SEC23A: variants seen among roughly 807,000 people sequenced by gnomAD.
SEC23A encodes the protein SEC23 homolog A, COPII component.
SEC23A carries 56 observed loss-of-function variants against 103.7 expected under a neutral mutation model. That is an observed-to-expected ratio of 0.54 (90% CI 0.44 to 0.67). SEC23A has a LOEUF of 0.67. Among genes scored for constraint, SEC23A ranks in the 30% least tolerant of loss-of-function variants. SEC23A has a pLI of 0.00. For synonymous variants in SEC23A, 281 were observed against 293.0 expected (o/e 0.96, Z 0.42); for missense variants, 784 against 936.4 (o/e 0.84, Z 2.12).
intron 7 of SEC23A, among the ~76,000 whole-genome samples, chr14:39,079,969 T>C (rs1887167337): frequency 6.6e-6 from 1 of 152,208 alleles, no homozygotes; most frequent in African/African-American, 2.4e-5. Flanking sequence ...TCTATAACTT[T>C]CTTAACTAAT....
intron 1 of SEC23A, among the ~76,000 whole-genome samples, chr14:39,102,247 A>G (rs1008111057): frequency 3.9e-5 from 6 of 152,154 alleles, no homozygotes; most frequent in Non-Finnish European, 2.9e-5. Context: ...AAAAAAAAAT[A>G]GCTGGACTTC....
intron 9 of SEC23A, among the ~76,000 whole-genome samples, chr14:39,069,892 C>T (rs534910553): frequency 6.6e-6 from 1 of 152,340 alleles, no homozygotes; most frequent in East Asian, 1.9e-4. Flanking sequence ...TCTGCCTATT[C>T]ATCCTATTTA....
chr14:39,085,243 T>C (rs1887391707), intron 7 of SEC23A, among the ~76,000 whole-genome samples: 1 of 152,228 alleles, frequency 6.6e-6, no homozygotes, highest in African/African-American at 2.4e-5. Flanking sequence ...CACAGAAATT[T>C]GGAACCCCTT....
At chr14:39,049,507 T>C (rs1885968964) in intron 14 of SEC23A, among the ~76,000 whole-genome samples, 1 of 151,278 alleles carries the variant, frequency 6.6e-6, no homozygotes. Context: ...CCAAGTGTGC[T>C]GACTCATGCC....
intron 15 of SEC23A, 138 bp downstream of exon 15, chr14:39,048,514 T>C (rs1885926779): frequency 2.8e-5 from 18 of 641,400 alleles, no homozygotes; most frequent in Non-Finnish European, 3.0e-5. Context: ...CTCAGGAGGC[T>C]GACTAAGCCC....
Position 39,075,975 on chromosome 14 carries a change from A to G in SEC23A, c.947T>C (p.Ile316Thr), listed in dbSNP as rs1241708321. 6.2e-7 allele frequency: 1 copy of G among 1,614,036 alleles called. No homozygotes were observed. The highest frequency in any genetic ancestry group is 1.3e-5 in the African/African-American group (1 of 75,032). The change falls in exon 8 of 20, where the codon ATT becomes ACT. Residue 316 changes from isoleucine to threonine, a missense_variant. Physicochemically the swap from Ile to Thr is moderately conservative, Grantham distance 89. Around this residue, in one of 2 missense-constraint regions of SEC23A, gnomAD observed 683 missense variants for 774.2 expected, o/e 0.88. Transcript: ENST00000307712. ...AACATATTTGGCATTGTCTTTGTCA[A>G]TGTCATGCCACGATCTTATAGGTGT... ...LKTPIRSWHD[I>T]DKDNAKYVKK...
chr14:39,051,827 G>C (rs1163740147), intron 14 of SEC23A, among the ~76,000 whole-genome samples: 1 of 152,078 alleles, frequency 6.6e-6, no homozygotes, highest in East Asian at 1.9e-4. Flanking sequence ...AATCACCTGG[G>C]TGTGGTGGCA....
At chr14:39,051,048 T>G (rs750599472) in intron 14 of SEC23A, among the ~76,000 whole-genome samples, 18 of 152,192 alleles carry the variant, frequency 1.2e-4, no homozygotes, top group Admixed American at 5.2e-4. Context: ...GCAACACAAA[T>G]AGAGAAAAAG....
At chr14:39,098,276 TG>T (rs1887960507) in intron 1 of SEC23A, among the ~76,000 whole-genome samples, 2 of 151,380 alleles carry the variant, frequency 1.3e-5, no homozygotes, top group Admixed American at 6.6e-5. Context: ...AACCAGGACG[TG>T]GGGGTGAGGG....
chr14:39,086,266 A>G (rs1328454843), intron 6 of SEC23A, among the ~76,000 whole-genome samples: 1 of 152,236 alleles, frequency 6.6e-6, no homozygotes, highest in East Asian at 1.9e-4. Context: ...CTAGTCTAGT[A>G]AGTTTTAGGT....
intron 19 of SEC23A, among the ~76,000 whole-genome samples, chr14:39,035,166 T>A (rs1885418940): frequency 6.6e-6 from 1 of 152,184 alleles, no homozygotes; most frequent in Non-Finnish European, 1.5e-5. Flanking sequence ...AATATAGGAT[T>A]ACTAGTATCC....
chr14:39,065,284 C>T (rs553322772), intron 10 of SEC23A, among the ~76,000 whole-genome samples: 135 of 152,202 alleles, frequency 8.9e-4, no homozygotes, highest in Non-Finnish European at 1.5e-3. Context: ...ATTCACATAT[C>T]CTAATCTAAA....
chr14:39,059,255 C>G (rs144972019), intron 13 of SEC23A, among the ~76,000 whole-genome samples: 50 of 119,076 alleles, frequency 4.2e-4, no homozygotes, highest in Middle Eastern at 6.2e-3. Flanking sequence ...CTTGTCTAGG[C>G]CCCTAAAGTC....
At chr14:39,065,198 C>G (rs1886616723) in intron 10 of SEC23A, among the ~76,000 whole-genome samples, 1 of 152,164 alleles carries the variant, frequency 6.6e-6, no homozygotes, top group African/African-American at 2.4e-5. Context: ...TGTTAACCTT[C>G]TATTTCCATT....
Position 39,096,099 on chromosome 14 carries a change from A to AATTCCAAATAGGTTGTCATT in SEC23A, c.-1_19dup (p.Phe7Ter), listed in dbSNP as rs1227976446. On this transcript the variant is annotated stop_gained and frameshift_variant, in exon 2 of 20. Coordinates refer to ENST00000307712, the MANE Select transcript of SEC23A (RefSeq NM_006364.4). LOFTEE classifies it high-confidence loss of function. The stretch of plus-strand genomic sequence containing the variant: ...ATCTCGTTCTTCATTTTGTTGAATG[A>AATTCCAAATAGGTTGTCATT]ATTCCAAATAGGTTGTCATTGTGGA... 1 of 1,613,024 alleles carries AATTCCAAATAGGTTGTCATT rather than the reference A, an allele frequency of 6.2e-7. No homozygotes were observed. The highest frequency in any genetic ancestry group is 2.2e-5 in the East Asian group (1 of 44,870).
chr14:39,095,782 T>G, intron 2 of SEC23A, 116 bp downstream of exon 2: 1 of 848,456 alleles, frequency 1.2e-6, no homozygotes, highest in Non-Finnish European at 1.9e-6. Flanking sequence ...TTGACTGTCC[T>G]AATTTGAAAA....
chr14:39,087,332 T>C (rs1887478521), intron 5 of SEC23A, among the ~76,000 whole-genome samples: 1 of 152,226 alleles, frequency 6.6e-6, no homozygotes. Context: ...TTTATATTCA[T>C]TCATCCGTTT....
intron 19 of SEC23A, among the ~76,000 whole-genome samples, chr14:39,035,308 G>A (rs1279591757): frequency 6.6e-6 from 1 of 152,146 alleles, no homozygotes; most frequent in Non-Finnish European, 1.5e-5. Flanking sequence ...AAAGACCTGA[G>A]CACTCTTATT....
chr14:39,061,833 G>C lies in SEC23A; in HGVS notation c.1437C>G (p.Ile479Met), dbSNP rs774786642. 5.0e-6 allele frequency: 8 copies of C among 1,613,940 alleles called. No homozygotes were observed. Among genetic ancestry groups the C allele is most frequent in the Non-Finnish European group, 6.8e-6 (8 of 1,179,838 alleles). The stretch of plus-strand genomic sequence containing the variant: ...AATGCTGATACTGAGTCACAAACTG[G>C]ATTGCACCACGCCCTCCTTGAGGAA... ...APIPQGGRGA[I>M]QFVTQYQHSS... The change falls in exon 13 of 20, where the codon ATC (isoleucine) becomes ATG (methionine). Residue 479 changes from isoleucine (I) to methionine (M), a missense_variant. Coordinates refer to ENST00000307712, the MANE Select transcript of SEC23A (RefSeq NM_006364.4).
Sources: allele counts gnomAD v4.1 joint callset (sites outside exome capture counted in the v4.1 genomes callset), GRCh38; gene constraint gnomAD v4.1.1; regional missense constraint gnomAD v4.1.1; transcripts MANE v1.5; gene names NCBI Gene and HGNC (gene_info 2026-07-23, HGNC 2026-07-21).